The following PLSCR4 variants were observed in gnomAD, a reference collection of about 807,000 sequenced individuals.
PLSCR4 encodes Ca(2+)-dependent phospholipid scramblase 4.
In PLSCR4, 25 loss-of-function variants were observed where a neutral mutation model predicts 36.3. The ratio of observed to expected loss-of-function variants is 0.69; its 90% CI spans 0.50 to 0.96. The LOEUF is 0.96. PLSCR4 is among the 40% of genes least tolerant of loss of function. PLSCR4 has a pLI of 0.00. For missense variants in PLSCR4, 408 were observed against 414.7 expected (o/e 0.98, Z 0.14); for synonymous variants, 122 against 132.9 (o/e 0.92, Z 0.56).
At chr3:146,217,640 T>C (rs1439923045) in intron 3 of PLSCR4, among the ~76,000 whole-genome samples, 5 of 152,290 alleles carry the variant, frequency 3.3e-5, no homozygotes. Flanking sequence ...AGATACAACA[T>C]TGACTTTGAA....
At chr3:146,235,130 TG>T (rs1167916775) in intron 1 of PLSCR4, among the ~76,000 whole-genome samples, 1 of 152,170 alleles carries the variant, frequency 6.6e-6, no homozygotes, top group African/African-American at 2.4e-5. Flanking sequence ...CCTCCACTGA[TG>T]TGGAAAAAGA....
intron 3 of PLSCR4, among the ~76,000 whole-genome samples, chr3:146,219,418 TAA>T (rs1433882028): frequency 3.8e-4 from 58 of 152,332 alleles, no homozygotes; most frequent in African/African-American, 1.4e-3. Flanking sequence ...AAACGATAGA[TAA>T]AGCATGATTA....
intron 1 of PLSCR4, among the ~76,000 whole-genome samples, chr3:146,242,541 T>C (rs774117411): frequency 1.3e-5 from 2 of 152,230 alleles, no homozygotes; most frequent in East Asian, 1.9e-4. Flanking sequence ...CTGGGCCCAG[T>C]AGGGAGGCCT....
chr3:146,218,511 A>G (rs958227209), intron 3 of PLSCR4, among the ~76,000 whole-genome samples: 1 of 151,638 alleles, frequency 6.6e-6, no homozygotes. Context: ...TATTTATTTT[A>G]AAATTAAATA....
At chr3:146,224,537 G>A (rs991614477) in intron 1 of PLSCR4, among the ~76,000 whole-genome samples, 12 of 149,104 alleles carry the variant, frequency 8.0e-5, no homozygotes, top group Non-Finnish European at 1.6e-4. Context: ...TGGGTTCGTG[G>A]TCTCGCTGGC....
At position 146,233,602 on chromosome 3, in the gene PLSCR4, A is replaced by G. The variant is rs373319713; in HGVS notation, c.-21-11510T>C. 3.9e-5 allele frequency among the ~76,000 whole-genome samples: 6 copies of G among 152,266 alleles called. No homozygotes were observed. The South Asian group carries it at 6.2e-4, about 16-fold the overall frequency. On this transcript the variant is annotated intron_variant, in intron 1 of 8. Coordinates refer to ENST00000354952, the MANE Select transcript of PLSCR4 (RefSeq NM_020353.3). Reference sequence around the variant, plus strand: ...AACTCTCAGTTTCTTTAAGTTTTAGATATGAATTAGTAAACATCTATGATG... The same window carrying G: ...AACTCTCAGTTTCTTTAAGTTTTAGGTATGAATTAGTAAACATCTATGATG...
rs140903224 is a variant in PLSCR4 at position 146,195,887 on chromosome 3, C to T, written c.787-605G>A. On this transcript the variant is annotated intron_variant, in intron 7 of 8. Transcript: ENST00000354952. ...CTTTTAATAAATAAGCAATGCTTAA[C>T]GATACAGTAATAGAAAATAAGAACT... Among the ~76,000 whole-genome samples the T allele has an allele frequency of 7.5e-3, 1,136 of 152,200 alleles. 9 individuals are homozygous for T. The highest frequency in any genetic ancestry group is 0.014 in the Middle Eastern group (4 of 294).
chr3:146,217,900 G>C (rs1273290230), intron 3 of PLSCR4, among the ~76,000 whole-genome samples: 1 of 152,072 alleles, frequency 6.6e-6, no homozygotes, highest in East Asian at 1.9e-4. Flanking sequence ...TGAAGGAAAA[G>C]GAAACCTTCA....
At chr3:146,212,271 T>G (rs987659628) in intron 3 of PLSCR4, among the ~76,000 whole-genome samples, 20 of 152,062 alleles carry the variant, frequency 1.3e-4, no homozygotes, top group Admixed American at 9.2e-4. Context: ...GGTATGTTAT[T>G]TTTAATGTTA....
chr3:146,209,923 AT>A (rs1322685829), intron 3 of PLSCR4, among the ~76,000 whole-genome samples: 1 of 152,144 alleles, frequency 6.6e-6, no homozygotes, highest in Non-Finnish European at 1.5e-5. Context: ...TGAAAACAAA[AT>A]AAGTTATGTA....
Position 146,194,586 on chromosome 3 carries a change from T to G in PLSCR4, c.946-131A>C, listed in dbSNP as rs1576441867. On this transcript the variant is annotated intron_variant, in intron 8 of 8. Coordinates refer to ENST00000354952, the MANE Select transcript of PLSCR4 (RefSeq NM_020353.3). ...ATACATAAATTTAGGGAAATATTTA[T>G]GAAGAGCACCTACTGTGAAGAGCAG... is the stretch of plus-strand genomic sequence containing the variant. 8.2e-6 allele frequency: 5 copies of G among 611,304 alleles called. No homozygotes were observed. The East Asian group carries it at 1.4e-4, about 18-fold the overall frequency. The allele number at this position is 611,304 out of a possible 1,614,324, so 37.9% of individuals were successfully genotyped here.
At chr3:146,236,972 G>T (rs1174909727) in intron 1 of PLSCR4, among the ~76,000 whole-genome samples, 1 of 151,908 alleles carries the variant, frequency 6.6e-6, no homozygotes, top group Non-Finnish European at 1.5e-5. Flanking sequence ...TACCTTACCA[G>T]TAATTACCTT....
intron 3 of PLSCR4, 80 bp downstream of exon 3, chr3:146,220,735 T>G: frequency 1.2e-6 from 1 of 826,228 alleles, no homozygotes; most frequent in Non-Finnish European, 2.0e-6. Flanking sequence ...AGTCAATTAA[T>G]TTGTTCGCTT....
rs991992368 is a variant in PLSCR4, at chr3:146,193,364, A to G, written c.*1047T>C. 3.3e-5 allele frequency: 5 copies of G among 152,304 alleles called. No homozygotes were observed. Among genetic ancestry groups the G allele is most frequent in the African/African-American group, 1.2e-4 (5 of 41,556 alleles). 9.4% of individuals were successfully genotyped at this position (152,304 alleles called of 1,614,324 possible). A position where few individuals can be genotyped will look rare whatever the true frequency, so the allele number is the denominator to read the frequency against. Reference sequence around the variant, plus strand: ...TTCACTTTTTATAAAGTGCTACATAAAATGTCATATTTCCAAATTTAAAAA... The same window carrying G: ...TTCACTTTTTATAAAGTGCTACATAGAATGTCATATTTCCAAATTTAAAAA... On this transcript the variant is annotated 3_prime_UTR_variant, in exon 9 of 9. Coordinates refer to ENST00000354952, the MANE Select transcript of PLSCR4 (RefSeq NM_020353.3).
chr3:146,218,976 G>T (rs920532623), intron 3 of PLSCR4, among the ~76,000 whole-genome samples: 4 of 152,188 alleles, frequency 2.6e-5, no homozygotes, highest in African/African-American at 9.6e-5. Context: ...ATTATGTAAA[G>T]AAATTGGGAT....
At chr3:146,217,481 G>A (rs1279388938) in intron 3 of PLSCR4, among the ~76,000 whole-genome samples, 2 of 152,178 alleles carry the variant, frequency 1.3e-5, no homozygotes, top group African/African-American at 4.8e-5. Context: ...CCAATCAAAT[G>A]GAAAGTAAAG....
At chr3:146,231,493 C>T (rs1428030498) in intron 1 of PLSCR4, among the ~76,000 whole-genome samples, 2 of 152,142 alleles carry the variant, frequency 1.3e-5, no homozygotes, top group African/African-American at 4.8e-5. Flanking sequence ...TATAAGCATT[C>T]CTTTTTCTCT....
Position 146,193,133 on chromosome 3 carries a change from C to T in PLSCR4, c.*1278G>A, listed in dbSNP as rs951240159. ...GTTAATTAGAGTGTACTCACTTATA[C>T]ACTATGCTTTTAATTAGTTAACACA... On this transcript the variant is annotated 3_prime_UTR_variant, in exon 9 of 9. Coordinates refer to ENST00000354952, the MANE Select transcript of PLSCR4 (RefSeq NM_020353.3). The T allele has an allele frequency of 2.0e-5, 3 of 151,842 alleles. No homozygotes were observed. Among genetic ancestry groups the T allele is most frequent in the Non-Finnish European group, 4.4e-5 (3 of 67,968 alleles). 9.4% of individuals were successfully genotyped at this position (151,842 alleles called of 1,614,324 possible). A position where few individuals can be genotyped will look rare whatever the true frequency, so the allele number is the denominator to read the frequency against.
intron 4 of PLSCR4, among the ~76,000 whole-genome samples, chr3:146,203,725 G>A (rs2034168822): frequency 6.6e-6 from 1 of 152,050 alleles, no homozygotes; most frequent in South Asian, 2.1e-4. Flanking sequence ...GAATTTAGGA[G>A]AGATAGGGCT....
Sources: gnomAD v4.1 joint callset for allele counts (sites outside exome capture counted in the v4.1 genomes callset) on GRCh38, gnomAD v4.1.1 for gene constraint, MANE v1.5 for transcripts, NCBI Gene and HGNC (gene_info 2026-07-23, HGNC 2026-07-21) for gene names.